The following CCDC158 variants were observed in gnomAD, a reference collection of about 807,000 sequenced individuals.
CCDC158 encodes coiled-coil domain containing 158, also known as coiled-coil domain-containing protein 158.
In CCDC158, 116 loss-of-function variants were observed where a neutral mutation model predicts 138.6. The observed-to-expected ratio is 0.84, with a 90% CI of 0.72 to 0.98. CCDC158 has a LOEUF of 0.98. Among genes scored for constraint, CCDC158 ranks in the 50% least tolerant of loss-of-function variants. The probability of loss-of-function intolerance (pLI) is 0.00; values close to 1 mark genes in which losing one functional copy is unlikely to be tolerated. For synonymous variants in CCDC158, 436 were observed against 442.4 expected, an observed-to-expected ratio of 0.99 and a Z score of 0.18; for missense variants, 1,265 against 1,306.1, an observed-to-expected ratio of 0.97 and a Z score of 0.48.
intron 18 of CCDC158, among the ~76,000 whole-genome samples, chr4:76,336,984 C>CT (rs893520358): frequency 1.7e-4 from 26 of 151,560 alleles, no homozygotes; most frequent in African/African-American, 3.4e-4. Flanking sequence ...ATAGAAATGT[C>CT]TTTTTTTTTC....
At chr4:76,358,989 G>A (rs1053939532) in intron 13 of CCDC158, among the ~76,000 whole-genome samples, 3 of 152,192 alleles carry the variant, frequency 2.0e-5, no homozygotes, top group Admixed American at 6.5e-5. Flanking sequence ...GAGGGGCTTC[G>A]TGGGAGGTGA....
chr4:76,383,812 AAAGG>A, intron 6 of CCDC158, 74 bp from the exon 7 acceptor site: 1 of 1,024,710 alleles, frequency 9.8e-7, no homozygotes, highest in South Asian at 1.3e-5. Flanking sequence ...ATTTTCAACT[AAAGG>A]AATGCTTTAA....
Position 76,379,347 on chromosome 4 carries a change from A to G in CCDC158, c.972T>C (p.Ser324=), listed in dbSNP as rs1726007342. ...MYMRQLSDLE[S]TVSQLRSELR... is the part of the protein sequence containing the mutation. ...ATTCAGAACGTAGCTGAGAAACAGT[A>G]GATTCCAGATCGCTGAGCTGACGCA... is the stretch of plus-strand genomic sequence containing the variant. The change falls in exon 9 of 25, where the codon TCT becomes TCC. Residue 324 remains serine, a synonymous_variant. Transcript: ENST00000682701. 2.5e-6 allele frequency: 4 copies of G among 1,610,778 alleles called. No individual in the cohort carries two copies. The highest frequency in any genetic ancestry group is 4.5e-5 in the East Asian group (2 of 44,724).
At chr4:76,346,822 C>A (rs539263156) in intron 18 of CCDC158, among the ~76,000 whole-genome samples, 4 of 152,034 alleles carry the variant, frequency 2.6e-5, no homozygotes, top group African/African-American at 9.7e-5. Flanking sequence ...AAAACTTCAA[C>A]AAATTTACAA....
At chr4:76,398,350 T>G (rs1728015428) in intron 3 of CCDC158, among the ~76,000 whole-genome samples, 1 of 152,122 alleles carries the variant, frequency 6.6e-6, no homozygotes, top group Non-Finnish European at 1.5e-5. Context: ...GCATTATGTG[T>G]TCCCTGGTGT....
chr4:76,376,946 A>C (rs1175763702), intron 9 of CCDC158, among the ~76,000 whole-genome samples: 1 of 152,258 alleles, frequency 6.6e-6, no homozygotes, highest in African/African-American at 2.4e-5. Flanking sequence ...ATTAGAGCAA[A>C]ATAAGAGAAT....
In CCDC158 at chr4:76,418,764, G is replaced by A. The variant is rs574235359; in HGVS notation, c.-117+2201C>T. Among the ~76,000 whole-genome samples the A allele has an allele frequency of 1.4e-4, 22 of 152,242 alleles. No individual in the cohort carries two copies. The South Asian group carries it at 2.9e-3, about 20-fold the overall frequency. On this transcript the variant is annotated intron_variant, in intron 1 of 24. Transcript: ENST00000682701. ...CCACTGGGTCCCTCCCGCAACACAC[G>A]GGAATTGTGGGAGCTACAATCCAAG...
chr4:76,340,875 A>G (rs1372385154), intron 18 of CCDC158, among the ~76,000 whole-genome samples: 1 of 152,198 alleles, frequency 6.6e-6, no homozygotes, highest in Non-Finnish European at 1.5e-5. Context: ...TCTTTCATGA[A>G]ACTGGTCACT....
chr4:76,370,582 C>T (rs1371870657), intron 10 of CCDC158, among the ~76,000 whole-genome samples: 2 of 152,074 alleles, frequency 1.3e-5, no homozygotes, highest in African/African-American at 4.8e-5. Flanking sequence ...GAGTTGGGAA[C>T]ATCAGTAAGG....
chr4:76,324,778 C>T (rs746532352), intron 23 of CCDC158, among the ~76,000 whole-genome samples: 2 of 152,048 alleles, frequency 1.3e-5, no homozygotes, highest in Non-Finnish European at 2.9e-5. Flanking sequence ...CAAGTACCTG[C>T]CATAAATTCT....
chr4:76,414,698 C>T (rs189806318), intron 1 of CCDC158, among the ~76,000 whole-genome samples: 1 of 152,144 alleles, frequency 6.6e-6, no homozygotes, highest in Non-Finnish European at 1.5e-5. Flanking sequence ...TTATGAGATC[C>T]GATGGGGTTG....
chr4:76,407,274 A>T (rs1314765873), intron 2 of CCDC158: 1 of 152,150 alleles, frequency 6.6e-6, no homozygotes, highest in Admixed American at 6.5e-5. Flanking sequence ...ACAATTAACG[A>T]TAGAACATAT....
In CCDC158 at chr4:76,393,780, T is replaced by C. The variant is rs368836495; in HGVS notation, c.288+2489A>G. Among the ~76,000 whole-genome samples, 6 of 152,038 alleles carry C rather than the reference T, an allele frequency of 3.9e-5. No individual in the cohort carries two copies. In the East Asian group the frequency reaches 5.8e-4, roughly 15 times the overall value. On this transcript the variant is annotated intron_variant, in intron 4 of 24. Transcript: ENST00000682701. ...TATATAAGGAGCTCAAACAACTCTA[T>C]AGGAAAAAATCTAGTAATCTGATTA...
rs921939113 is a variant in CCDC158 at position 76,396,334 on chromosome 4, G to A, written c.223C>T (p.His75Tyr). The A allele has an allele frequency of 6.2e-7, 1 of 1,613,960 alleles. No homozygotes were observed. The highest frequency in any genetic ancestry group is 8.5e-7 in the Non-Finnish European group (1 of 1,179,932). The change falls in exon 4 of 25, where the codon CAC (histidine) becomes TAC (tyrosine). Residue 75 changes from histidine to tyrosine, a missense_variant. Physicochemically the swap from His to Tyr is moderately conservative, Grantham distance 83. Coordinates refer to ENST00000682701, the MANE Select transcript of CCDC158 (RefSeq NM_001394954.1). ...TATTCTTCCAAAACACGTTCAAAGT[G>A]TTCCTTTCCAGGAGATGGGATGATT... ...RKIIPSPGKE[H>Y]FERVLEEYSH...
intron 9 of CCDC158, chr4:76,375,409 G>T: frequency 2.1e-6 from 1 of 487,274 alleles, no homozygotes; most frequent in South Asian, 3.8e-5. Context: ...CACAGCTATG[G>T]AATAATAAGG....
chr4:76,410,628 A>G (rs1045448034), intron 2 of CCDC158, among the ~76,000 whole-genome samples: 7 of 152,206 alleles, frequency 4.6e-5, no homozygotes, highest in Non-Finnish European at 1.0e-4. Context: ...TACAGAACTG[A>G]TCTACATTCT....
intron 12 of CCDC158, among the ~76,000 whole-genome samples, chr4:76,364,679 C>T (rs922801929): frequency 3.9e-5 from 6 of 152,094 alleles, no homozygotes; most frequent in African/African-American, 7.2e-5. Flanking sequence ...TAGATCCTTC[C>T]GAATAAGTGA....
Position 76,313,139 on chromosome 4 carries a change from A to C in CCDC158, c.*31T>G. 6.9e-7 allele frequency: 1 copy of C among 1,440,768 alleles called. No homozygotes were observed. The highest frequency in any genetic ancestry group is 9.6e-7 in the Non-Finnish European group (1 of 1,043,414). 89.2% of individuals were successfully genotyped at this position (1,440,768 alleles called of 1,614,324 possible). A position where few individuals can be genotyped will look rare whatever the true frequency, so the allele number is the denominator to read the frequency against. On this transcript the variant is annotated 3_prime_UTR_variant, in exon 25 of 25. Coordinates refer to ENST00000682701, the MANE Select transcript of CCDC158 (RefSeq NM_001394954.1). Reference sequence around the variant, plus strand: ...GTAACACCACAATTAATTGGGCCTCATTCCTCTGTAAAGAATAGGCAAGCA... The same window carrying C: ...GTAACACCACAATTAATTGGGCCTCCTTCCTCTGTAAAGAATAGGCAAGCA...
At chr4:76,405,360 C>A (rs1034206177) in intron 2 of CCDC158, among the ~76,000 whole-genome samples, 2 of 152,170 alleles carry the variant, frequency 1.3e-5, no homozygotes, top group Non-Finnish European at 2.9e-5. Flanking sequence ...GTGCCGTGTG[C>A]CTCTGCTGAG....
Sources: allele counts gnomAD v4.1 joint callset (sites outside exome capture counted in the v4.1 genomes callset), GRCh38; gene constraint gnomAD v4.1.1; transcripts MANE v1.5; gene names NCBI Gene and HGNC (gene_info 2026-07-23, HGNC 2026-07-21).